Variants in DOCK11 observed in about 807,000 individuals in gnomAD.
DOCK11 encodes dedicator of cytokinesis protein 11.
Under a neutral mutation model 169.1 loss-of-function variants are expected in DOCK11, and 70 were observed. That is an observed-to-expected ratio of 0.41 (90% CI 0.34 to 0.51). The LOEUF is 0.51. DOCK11 is among the 20% of genes least tolerant of loss of function. DOCK11 has a pLI of 0.10. For missense variants in DOCK11, 1,166 were observed against 1,538.8 expected, an observed-to-expected ratio of 0.76 and a Z score of 4.05; for synonymous variants, 529 against 541.3, an observed-to-expected ratio of 0.98 and a Z score of 0.32.
chrX:118,542,798 AC>A lies in DOCK11; in HGVS notation c.181del (p.Leu61SerfsTer16). 1 of 1,208,371 alleles carries A rather than the reference AC, an allele frequency of 8.3e-7. No homozygotes were observed. The highest frequency in any genetic ancestry group is 1.1e-6 in the Non-Finnish European group (1 of 893,590). ...CAAAGAAAAACCCAGATTTACAGCG[AC>A]CCCCTCCGAGATCTGCTTATGTTCC... ...IAQRKTQIYS[D>X]PLRDLLMFPM... On this transcript the variant is annotated frameshift_variant, in exon 2 of 53. Coordinates refer to ENST00000276202, the MANE Select transcript of DOCK11 (RefSeq NM_144658.4). LOFTEE classifies it high-confidence loss of function.
At chrX:118,583,598 T>C (rs1339580291) in intron 14 of DOCK11, among the ~76,000 whole-genome samples, 1 of 110,543 alleles carries the variant, frequency 9.0e-6, no homozygotes, top group Non-Finnish European at 1.9e-5. Context: ...AGCAGCAGAA[T>C]AGTTGCTTAA....
At chrX:118,505,904 G>C (rs1354756049) in intron 1 of DOCK11, among the ~76,000 whole-genome samples, 1 of 112,179 alleles carries the variant, frequency 8.9e-6, no homozygotes, top group Non-Finnish European at 1.9e-5. Flanking sequence ...GAATAGAAGA[G>C]AATTGGGATC....
chrX:118,648,029 T>C (rs1404655869), intron 40 of DOCK11, among the ~76,000 whole-genome samples: 5 of 49,289 alleles, frequency 1.0e-4, no homozygotes, highest in African/African-American at 4.6e-4. Context: ...TAAATTATAA[T>C]ATTATATAAT....
At chrX:118,684,271 C>CTTTT (rs1197326228) in intron 52 of DOCK11, among the ~76,000 whole-genome samples, 7 of 78,597 alleles carry the variant, frequency 8.9e-5, no homozygotes, top group East Asian at 3.8e-4. Context: ...TTTTTTTTTT[C>CTTTT]TTTTTTTTTT....
chrX:118,594,453 A>G (rs1185319852), intron 20 of DOCK11, among the ~76,000 whole-genome samples: 1 of 112,299 alleles, frequency 8.9e-6, no homozygotes, highest in Non-Finnish European at 1.9e-5. Flanking sequence ...CATATTTTGG[A>G]TTTTTGGATT....
At chrX:118,648,366 C>G (rs1456034753) in intron 40 of DOCK11, among the ~76,000 whole-genome samples, 2 of 94,723 alleles carry the variant, frequency 2.1e-5, no homozygotes, top group Non-Finnish European at 4.1e-5. Context: ...TGATGGGTCT[C>G]AAATGGGGGC....
chrX:118,613,291 A>T (rs1350952949), intron 28 of DOCK11, among the ~76,000 whole-genome samples: 1 of 112,139 alleles, frequency 8.9e-6, no homozygotes, highest in Non-Finnish European at 1.9e-5. Context: ...AGTAATCCAG[A>T]TGAGAGGTGA....
chrX:118,515,990 T>C (rs1473344006), intron 1 of DOCK11, among the ~76,000 whole-genome samples: 1 of 84,684 alleles, frequency 1.2e-5, no homozygotes, highest in African/African-American at 4.6e-5. Context: ...TGTTCAAAAG[T>C]AAGGATTTGG....
intron 43 of DOCK11, 38 bp from the exon 44 acceptor site, chrX:118,654,866 C>T: frequency 8.3e-7 from 1 of 1,205,238 alleles, no homozygotes; most frequent in Non-Finnish European, 1.1e-6. Flanking sequence ...ACACCTTGAG[C>T]ATGTTCTGAC....
chrX:118,635,033 A>G (rs1238853504), intron 35 of DOCK11, among the ~76,000 whole-genome samples: 1 of 112,331 alleles, frequency 8.9e-6, no homozygotes, highest in Admixed American at 9.4e-5. Flanking sequence ...CTAATTTTTA[A>G]AACAAGTCAA....
At position 118,542,939 on chromosome X, in the gene DOCK11, G is replaced by T. The variant is rs753030946; in HGVS notation, c.233G>T (p.Gly78Val). Reference sequence around the variant, plus strand: ...TTTGTGTTCTAGATCTCGGTGATAGGTCGTCAACGCAGAACGGTGCAGTCT... The same window carrying T: ...TTTGTGTTCTAGATCTCGGTGATAGTTCGTCAACGCAGAACGGTGCAGTCT... ...PMEDISISVI[G>V]RQRRTVQSTV... The change falls in exon 3 of 53, where the codon GGT becomes GTT. Residue 78 changes from glycine to valine, a missense_variant. Physicochemically the swap from Gly to Val is moderately radical, Grantham distance 109. Coordinates refer to ENST00000276202, the MANE Select transcript of DOCK11 (RefSeq NM_144658.4). 8.3e-7 allele frequency: 1 copy of T among 1,210,498 alleles called. No individual in the cohort carries two copies. The highest frequency in any genetic ancestry group is 1.1e-6 in the Non-Finnish European group (1 of 894,970).
In DOCK11 at chrX:118,549,231, A is replaced by C. The variant is rs1320421282; in HGVS notation, c.558+3115A>C. On this transcript the variant is annotated intron_variant, in intron 6 of 52. Transcript: ENST00000276202. ...GCAATCTCAGCTCACTGCAACCTCC[A>C]CCTCCCGGGTTTAAGCCATTCTCCT... Among the ~76,000 whole-genome samples the C allele has an allele frequency of 5.7e-5, 6 of 104,624 alleles. No homozygotes were observed. The South Asian group carries it at 2.1e-3, about 37-fold the overall frequency. The allele number at this position is 104,624 out of a possible 115,157, so 90.9% of individuals were successfully genotyped here.
intron 1 of DOCK11, among the ~76,000 whole-genome samples, chrX:118,503,497 G>A (rs1038048500): frequency 1.8e-5 from 2 of 112,080 alleles, no homozygotes; most frequent in South Asian, 3.7e-4. Context: ...GAGGAAGAGC[G>A]GAGGTGGAGT....
chrX:118,589,422 T>C (rs1053110466), intron 18 of DOCK11, among the ~76,000 whole-genome samples: 6 of 111,148 alleles, frequency 5.4e-5, no homozygotes, highest in Non-Finnish European at 1.1e-4. Context: ...TTAAGAAGAG[T>C]TGGATATTCA....
chrX:118,632,981 T>TG (rs2015290068), intron 35 of DOCK11: 1 of 10,415 alleles, frequency 9.6e-5, no homozygotes, highest in African/African-American at 3.0e-4. Flanking sequence ...GGGGGGGGGG[T>TG]GAGGGGGGTG....
chrX:118,508,451 G>A (rs1169118418), intron 1 of DOCK11, among the ~76,000 whole-genome samples: 1 of 111,687 alleles, frequency 9.0e-6, no homozygotes, highest in Non-Finnish European at 1.9e-5. Context: ...GGCATGGCCA[G>A]TTTACTTTCA....
intron 1 of DOCK11, among the ~76,000 whole-genome samples, chrX:118,506,895 G>T (rs2057616273): frequency 9.0e-6 from 1 of 111,082 alleles, no homozygotes; most frequent in Admixed American, 9.6e-5. Context: ...ACCAGCCTGG[G>T]CAACATAGCG....
At chrX:118,547,703 C>A (rs2012337349) in intron 6 of DOCK11, among the ~76,000 whole-genome samples, 1 of 112,527 alleles carries the variant, frequency 8.9e-6, no homozygotes, top group Non-Finnish European at 1.9e-5. Flanking sequence ...GATGTCAGAG[C>A]CTATGCTCTT....
chrX:118,542,092 C>T (rs1290209271), intron 1 of DOCK11, among the ~76,000 whole-genome samples: 1 of 111,597 alleles, frequency 9.0e-6, no homozygotes, highest in African/African-American at 3.3e-5. Flanking sequence ...TCCAAGTATG[C>T]CACTTTTTGT....
Sources: gnomAD v4.1 joint callset for allele counts (sites outside exome capture counted in the v4.1 genomes callset) on GRCh38, gnomAD v4.1.1 for gene constraint, MANE v1.5 for transcripts, NCBI Gene and HGNC (gene_info 2026-07-23, HGNC 2026-07-21) for gene names.